EIF4B: variants seen among roughly 807,000 people sequenced by gnomAD.
The protein encoded by EIF4B is eukaryotic translation initiation factor 4B.
EIF4B carries 8 observed loss-of-function variants against 79.3 expected under a neutral mutation model. That is an observed-to-expected ratio of 0.10 (90% CI 0.06 to 0.18). The LOEUF is 0.18. Among genes scored for constraint, EIF4B ranks in the 10% least tolerant of loss-of-function variants. The probability of loss-of-function intolerance (pLI) is 1.00; values close to 1 mark genes in which losing one functional copy is unlikely to be tolerated. For missense variants in EIF4B, 515 were observed against 792.4 expected, an observed-to-expected ratio of 0.65 and a Z score of 4.20; for synonymous variants, 238 against 274.7, an observed-to-expected ratio of 0.87 and a Z score of 1.32.
intron 6 of EIF4B, among the ~76,000 whole-genome samples, chr12:53,026,562 A>G (rs926923372): frequency 2.6e-5 from 4 of 152,246 alleles, no homozygotes; most frequent in Non-Finnish European, 5.9e-5. Context: ...CTTTTCATGC[A>G]TAGTTCTAAT....
At chr12:53,027,211 G>C (rs1469466074) in intron 6 of EIF4B, among the ~76,000 whole-genome samples, 1 of 145,506 alleles carries the variant, frequency 6.9e-6, no homozygotes, top group Non-Finnish European at 1.5e-5. Context: ...TGATCTCAGC[G>C]CAACCTCCGC....
intron 1 of EIF4B, 63 bp from the exon 2 acceptor site, chr12:53,016,410 A>G (rs1943149347): frequency 1.9e-6 from 3 of 1,595,936 alleles, no homozygotes; most frequent in Non-Finnish European, 2.6e-6. Flanking sequence ...ACAATATTGC[A>G]TTGTACAACT....
Position 53,025,654 on chromosome 12 carries a change from T to C in EIF4B, c.668-2128T>C, listed in dbSNP as rs189960499. 4.7e-4 allele frequency among the ~76,000 whole-genome samples: 71 copies of C among 152,344 alleles called. 1 individual carries two copies. The East Asian group carries it at 6.4e-3, about 14-fold the overall frequency. On this transcript the variant is annotated intron_variant, in intron 6 of 14. Transcript: ENST00000262056. ...AAAATAAACACAGGGCTGATTTTCTTATATGTGTCCTGTTTTAGATCATTT... is the reference window on the plus strand; with the variant it reads ...AAAATAAACACAGGGCTGATTTTCTCATATGTGTCCTGTTTTAGATCATTT...
intron 1 of EIF4B, among the ~76,000 whole-genome samples, chr12:53,010,017 A>G (rs1325368123): frequency 1.3e-5 from 2 of 152,232 alleles, no homozygotes; most frequent in Non-Finnish European, 2.9e-5. Context: ...TTAAATTTGT[A>G]GTAGATACTG....
chr12:53,035,239 C>CT, intron 10 of EIF4B, among the ~76,000 whole-genome samples: 1 of 152,032 alleles, frequency 6.6e-6, no homozygotes, highest in East Asian at 1.9e-4. Context: ...GGGTCTTACT[C>CT]TGTCACACAG....
At chr12:53,011,360 A>T (rs910596233) in intron 1 of EIF4B, among the ~76,000 whole-genome samples, 1 of 152,236 alleles carries the variant, frequency 6.6e-6, no homozygotes, top group Non-Finnish European at 1.5e-5. Flanking sequence ...AGTCCTTTAT[A>T]TAGGACTAAC....
intron 1 of EIF4B, 83 bp downstream of exon 1, chr12:53,006,579 G>A: frequency 1.9e-6 from 3 of 1,608,116 alleles, no homozygotes; most frequent in Non-Finnish European, 1.7e-6. Flanking sequence ...TGAAGTCGGG[G>A]AATTGCTGGC....
intron 6 of EIF4B, among the ~76,000 whole-genome samples, chr12:53,026,845 C>T (rs1241067897): frequency 6.6e-6 from 1 of 152,154 alleles, no homozygotes; most frequent in Non-Finnish European, 1.5e-5. Context: ...TCAGGCAATC[C>T]ACCAACCTCA....
At chr12:53,012,708 C>T (rs1441079103) in intron 1 of EIF4B, among the ~76,000 whole-genome samples, 1 of 151,342 alleles carries the variant, frequency 6.6e-6, no homozygotes, top group Non-Finnish European at 1.5e-5. Context: ...CGGGTTCACG[C>T]CATTCTCCTG....
intron 6 of EIF4B, among the ~76,000 whole-genome samples, chr12:53,023,232 G>GATAT (rs1032626123): frequency 6.6e-6 from 1 of 151,770 alleles, no homozygotes; most frequent in African/African-American, 2.4e-5. Flanking sequence ...ATTACTTTTT[G>GATAT]ATATATATAT....
intron 10 of EIF4B, among the ~76,000 whole-genome samples, 184 bp downstream of exon 10, chr12:53,034,893 C>T (rs777406430): frequency 4.0e-5 from 6 of 151,276 alleles, no homozygotes; most frequent in Non-Finnish European, 8.8e-5. Flanking sequence ...CAGAGTAGAC[C>T]TAGATGATCT....
At chr12:53,010,985 C>T (rs1231646046) in intron 1 of EIF4B, among the ~76,000 whole-genome samples, 21 of 152,072 alleles carry the variant, frequency 1.4e-4, no homozygotes, top group East Asian at 1.9e-4. Context: ...CAGTTTGGAC[C>T]GTGTGCAGTG....
Position 53,037,536 on chromosome 12 carries a change from A to T in EIF4B, c.1434A>T (p.Pro478=). The stretch of plus-strand genomic sequence containing the variant: ...CCCTAAAGGTAATGCCAGCCCCTCC[A>T]CCAAAGGAGAATGCTTGGGTGAAGC... ...DQPLKVMPAP[P]PKENAWVKRS... Residue 478 remains proline (P), a synonymous_variant, in exon 11 of 15, where the codon CCA becomes CCT. Transcript: ENST00000262056. 1.9e-6 allele frequency: 3 copies of T among 1,613,902 alleles called. No homozygotes were observed. The highest frequency in any genetic ancestry group is 8.5e-7 in the Non-Finnish European group (1 of 1,179,828).
At chr12:53,019,109 T>G (rs995155353) in intron 3 of EIF4B, 103 bp downstream of exon 3, 2 of 1,355,858 alleles carry the variant, frequency 1.5e-6, no homozygotes, top group Admixed American at 2.1e-5. Context: ...ACTAGAAATA[T>G]AATTTAAGGC....
chr12:53,025,175 T>A, intron 6 of EIF4B: 1 of 455,006 alleles, frequency 2.2e-6, no homozygotes, highest in South Asian at 1.6e-5. Flanking sequence ...TGGGGAGAAC[T>A]ATGTGAGGTG....
In EIF4B at chr12:53,016,516, C is replaced by A. The variant is rs1300361123; in HGVS notation, c.57C>A (p.Asp19Glu). 6.2e-7 allele frequency: 1 copy of A among 1,613,262 alleles called. No individual in the cohort carries two copies. The highest frequency in any genetic ancestry group is 1.7e-5 in the Admixed American group (1 of 59,994). Residue 19 changes from aspartate to glutamate, a missense_variant, in exon 2 of 15, where the codon GAC becomes GAA. Transcript: ENST00000262056. ...AGGGGAAGACTATCTCCCTAACAGA[C>A]TTTCTGGCTGAGGATGGGGGTACTG... ...NKKGKTISLT[D>E]FLAEDGGTGG...
chr12:53,020,939 C>G (rs1943238201), intron 4 of EIF4B, among the ~76,000 whole-genome samples: 1 of 152,064 alleles, frequency 6.6e-6, no homozygotes, highest in African/African-American at 2.4e-5. Context: ...CAATTGTTAA[C>G]TATTTGATGT....
rs991731764 is a variant in EIF4B, at chr12:53,018,870, C to G, written c.224C>G (p.Thr75Ser). ...APPIDRSILP[T>S]APRAAREPNI... is the part of the protein sequence containing the mutation. Reference sequence around the variant, plus strand: ...CCAATTGACCGTTCCATCCTTCCCACTGCTCCACGGGCTGCTCGGGAACCC... The same window carrying G: ...CCAATTGACCGTTCCATCCTTCCCAGTGCTCCACGGGCTGCTCGGGAACCC... Residue 75 changes from threonine (T) to serine (S), a missense_variant, in exon 3 of 15, where the codon ACT becomes AGT. Around this residue, in one of 6 missense-constraint regions of EIF4B, gnomAD observed 105 missense variants for 177.2 expected, o/e 0.59. Transcript: ENST00000262056. The G allele has an allele frequency of 5.0e-6, 8 of 1,613,876 alleles. No individual in the cohort carries two copies. Among genetic ancestry groups the G allele is most frequent in the Middle Eastern group, 1.7e-4 (1 of 5,974 alleles).
Position 53,039,615 on chromosome 12 carries a change from C to T in EIF4B, c.1683-15C>T, listed in dbSNP as rs1212060974. On this transcript the variant is annotated splice_polypyrimidine_tract_variant and intron_variant, in intron 13 of 14. Transcript: ENST00000262056. ...CCTTTCCTAAAGACATGGTTTTATG[C>T]TTACGTCTCTGCAGGAAAGATGGCA... 1.2e-6 allele frequency: 2 copies of T among 1,613,454 alleles called. No homozygotes were observed. Among genetic ancestry groups the T allele is most frequent in the African/African-American group, 1.3e-5 (1 of 75,010 alleles).
Sources: allele counts gnomAD v4.1 joint callset (sites outside exome capture counted in the v4.1 genomes callset), GRCh38; gene constraint gnomAD v4.1.1; regional missense constraint gnomAD v4.1.1; transcripts MANE v1.5; gene names NCBI Gene and HGNC (gene_info 2026-07-23, HGNC 2026-07-21).